Variants in PCDH15 observed in about 807,000 individuals in gnomAD.
The protein encoded by PCDH15 is protocadherin related 15, also known as protocadherin-15.
Under a neutral mutation model 178.5 loss-of-function variants are expected in PCDH15, and 129 were observed. The ratio of observed to expected loss-of-function variants is 0.72; its 90% confidence interval spans 0.63 to 0.84. The LOEUF (loss-of-function observed/expected upper bound fraction) is 0.84. Ranked by LOEUF, PCDH15 falls within the 40% of genes least tolerant of loss-of-function variation. PCDH15 has a pLI of 0.00. For synonymous variants in PCDH15, 800 were observed against 732.0 expected (o/e 1.09, Z -1.50); for missense variants, 2,230 against 2,099.9 (o/e 1.06, Z -1.21).
chr10:54,972,526 G>A (rs1838960730), intron 2 of PCDH15, among the ~76,000 whole-genome samples: 1 of 150,752 alleles, frequency 6.6e-6, no homozygotes, highest in Admixed American at 6.6e-5. Flanking sequence ...GGGGACAAGA[G>A]CAAGACTTTG....
At chr10:54,306,158 T>G (rs2060456433) in intron 8 of PCDH15, among the ~76,000 whole-genome samples, 1 of 152,038 alleles carries the variant, frequency 6.6e-6, no homozygotes, top group Non-Finnish European at 1.5e-5. Context: ...GATGGTTTGA[T>G]TATATATTTG....
At chr10:54,939,426 C>T (rs1286522076) in intron 2 of PCDH15, among the ~76,000 whole-genome samples, 5 of 125,462 alleles carry the variant, frequency 4.0e-5, no homozygotes, top group East Asian at 2.7e-4. Context: ...ACCCGGGAGG[C>T]GGAGCTTGTG....
chr10:54,810,481 CT>C (rs1371619836), intron 3 of PCDH15, among the ~76,000 whole-genome samples: 1 of 152,036 alleles, frequency 6.6e-6, no homozygotes, highest in East Asian at 1.9e-4. Context: ...TATTGTACAT[CT>C]TTCTAGACGT....
intron 2 of PCDH15, among the ~76,000 whole-genome samples, chr10:54,640,472 C>T (rs1278860123): frequency 6.6e-6 from 1 of 151,820 alleles, no homozygotes; most frequent in Non-Finnish European, 1.5e-5. Context: ...AAATGTTTTA[C>T]TGAACAATGA....
chr10:53,929,527 A>C (rs937618017), intron 25 of PCDH15, among the ~76,000 whole-genome samples: 1 of 152,188 alleles, frequency 6.6e-6, no homozygotes, highest in Non-Finnish European at 1.5e-5. Flanking sequence ...AGGACTAAAA[A>C]ATAATATGTG....
intron 1 of PCDH15, among the ~76,000 whole-genome samples, chr10:54,778,394 G>A (rs752925002): frequency 1.6e-4 from 25 of 152,164 alleles, no homozygotes; most frequent in Admixed American, 3.9e-4. Context: ...CAATAGTCCC[G>A]GGGTGGAGGG....
rs187319705 is a variant in PCDH15 at position 53,924,337 on chromosome 10, G to A, written c.3373+14478C>T. Among the ~76,000 whole-genome samples the A allele has an allele frequency of 9.8e-5, 15 of 152,342 alleles. 1 individual carries two copies. The highest frequency in any genetic ancestry group is 1.5e-4 in the Non-Finnish European group (10 of 68,026). On this transcript the variant is annotated intron_variant, in intron 25 of 37. Transcript: ENST00000644397. ...GCTTAGCACCCAGGCCAGCAGCTGC[G>A]GAGGGTGCACCGGGTCCCCCAGCAG...
At chr10:54,136,587 T>A (rs1590715928) in intron 14 of PCDH15, among the ~76,000 whole-genome samples, 1 of 152,326 alleles carries the variant, frequency 6.6e-6, no homozygotes, top group South Asian at 2.1e-4. Flanking sequence ...CTTATTATAC[T>A]TTTTGTATTT....
intron 3 of PCDH15, among the ~76,000 whole-genome samples, chr10:54,844,747 T>C (rs892328457): frequency 6.6e-6 from 1 of 152,042 alleles, no homozygotes; most frequent in African/African-American, 2.4e-5. Flanking sequence ...ATGTTAACTA[T>C]TAAAATAATA....
chr10:54,698,302 AT>A (rs1319131153), intron 1 of PCDH15, among the ~76,000 whole-genome samples: 23 of 152,174 alleles, frequency 1.5e-4, no homozygotes, highest in African/African-American at 5.3e-4. Context: ...TCTTGAAACA[AT>A]CACTCACAGA....
intron 1 of PCDH15, among the ~76,000 whole-genome samples, chr10:54,766,959 A>G (rs1252053134): frequency 6.6e-6 from 1 of 151,946 alleles, no homozygotes; most frequent in Non-Finnish European, 1.5e-5. Flanking sequence ...TCTATCCACT[A>G]TACACCTTTT....
At chr10:55,238,321 CT>C (rs1841448488) in intron 1 of PCDH15, among the ~76,000 whole-genome samples, 1 of 151,412 alleles carries the variant, frequency 6.6e-6, no homozygotes, top group African/African-American at 2.4e-5. Flanking sequence ...GGCTAATTTT[CT>C]TGTATTTTTA....
At chr10:55,297,412 C>T (rs2441771) in intron 1 of PCDH15, among the ~76,000 whole-genome samples, 113,470 of 151,998 alleles carry the variant, frequency 0.75, 43,299 homozygotes, top group African/African-American at 0.9. Flanking sequence ...AACCATGTCA[C>T]TGATTTTCCT....
chr10:55,314,623 C>T (rs934189778), intron 1 of PCDH15, among the ~76,000 whole-genome samples: 2 of 151,364 alleles, frequency 1.3e-5, no homozygotes, highest in African/African-American at 4.9e-5. Flanking sequence ...TTCCCTTTCA[C>T]TACAGTATAG....
intron 3 of PCDH15, among the ~76,000 whole-genome samples, chr10:54,811,562 C>G (rs896893014): frequency 3.9e-5 from 6 of 152,076 alleles, no homozygotes; most frequent in African/African-American, 1.4e-4. Context: ...CCTCTGCCTC[C>G]CTAGTACAAG....
intron 2 of PCDH15, among the ~76,000 whole-genome samples, chr10:55,001,520 G>A (rs959533282): frequency 1.2e-4 from 19 of 152,132 alleles, no homozygotes; most frequent in African/African-American, 4.6e-4. Flanking sequence ...AAGCCTCTGG[G>A]CAAGGCTGTC....
At chr10:54,003,022 C>T (rs1298712929) in intron 20 of PCDH15, among the ~76,000 whole-genome samples, 1 of 152,074 alleles carries the variant, frequency 6.6e-6, no homozygotes, top group African/African-American at 2.4e-5. Context: ...TGTGAAGGTC[C>T]GCAGCTTCAT....
At position 54,599,675 on chromosome 10, in the gene PCDH15, A is replaced by C. The variant is rs553415002; in HGVS notation, c.91+64497T>G. 45 of 419,984 alleles carry C rather than the reference A, an allele frequency of 1.1e-4. No homozygotes were observed. In the Admixed American group the frequency reaches 1.2e-3, roughly 11 times the overall value. The allele number at this position is 419,984 out of a possible 1,614,324, so 26.0% of individuals were successfully genotyped here. On this transcript the variant is annotated intron_variant, in intron 2 of 37. Transcript: ENST00000644397. ...GACAAACTAATTGAAAAACTGGTAC[A>C]CTAGTCTCCAGTGAAAGCAACTGCA...
intron 18 of PCDH15, among the ~76,000 whole-genome samples, chr10:54,047,823 G>T (rs2093686945): frequency 6.6e-6 from 1 of 152,176 alleles, no homozygotes; most frequent in East Asian, 1.9e-4. Flanking sequence ...CCATTGTTGG[G>T]CATCTAGGTT....
Sources: gnomAD v4.1 joint callset for allele counts (sites outside exome capture counted in the v4.1 genomes callset) on GRCh38, gnomAD v4.1.1 for gene constraint, MANE v1.5 for transcripts, NCBI Gene and HGNC (gene_info 2026-07-23, HGNC 2026-07-21) for gene names.